Variants in ZPBP observed in about 807,000 individuals in gnomAD.
ZPBP encodes the protein zona pellucida binding protein.
In ZPBP, 26 loss-of-function variants were observed where a neutral mutation model predicts 44.8. That is an observed-to-expected ratio of 0.58 (90% CI 0.43 to 0.81). The LOEUF is 0.81. Ranked by LOEUF, ZPBP falls within the 30% of genes least tolerant of loss-of-function variation. The pLI is 0.00. For synonymous variants in ZPBP, 174 were observed against 153.2 expected (o/e 1.14, Z -1.00); for missense variants, 409 against 434.0 (o/e 0.94, Z 0.51).
intron 2 of ZPBP, among the ~76,000 whole-genome samples, chr7:49,853,922 T>C (rs1790306938): frequency 7.0e-6 from 1 of 142,036 alleles, no homozygotes; most frequent in African/African-American, 2.6e-5. Flanking sequence ...TGTCCAAATG[T>C]TTTCATTGTT....
chr7:50,029,315 C>T (rs1198580395), intron 5 of ZPBP, among the ~76,000 whole-genome samples: 1 of 152,090 alleles, frequency 6.6e-6, no homozygotes, highest in East Asian at 1.9e-4. Flanking sequence ...GAACCCATAC[C>T]TCATACTATA....
intron 2 of ZPBP, among the ~76,000 whole-genome samples, chr7:49,877,293 G>C (rs191719139): frequency 4.7e-5 from 7 of 150,276 alleles, no homozygotes; most frequent in South Asian, 4.2e-4. Flanking sequence ...GGAGCCCCGT[G>C]TCTACTAAAA....
At chr7:49,876,066 C>T (rs544749257) in intron 2 of ZPBP, among the ~76,000 whole-genome samples, 5 of 152,088 alleles carry the variant, frequency 3.3e-5, no homozygotes, top group Non-Finnish European at 7.4e-5. Flanking sequence ...CAAAATTGTT[C>T]AGAGTTTGTG....
chr7:49,894,178 A>T (rs1792266395), intron 2 of ZPBP, among the ~76,000 whole-genome samples: 1 of 114,854 alleles, frequency 8.7e-6, no homozygotes, highest in African/African-American at 3.4e-5. Flanking sequence ...CTTTCTTTTG[A>T]CAGGTTCTCA....
chr7:49,868,957 T>C (rs1791022777), intron 2 of ZPBP, among the ~76,000 whole-genome samples: 1 of 152,234 alleles, frequency 6.6e-6, no homozygotes, highest in Non-Finnish European at 1.5e-5. Flanking sequence ...AAAGAAGTTT[T>C]CTTGTGTCAA....
At chr7:49,980,965 T>C (rs558750092) in intron 7 of ZPBP, among the ~76,000 whole-genome samples, 70 of 151,820 alleles carry the variant, frequency 4.6e-4, no homozygotes, top group African/African-American at 1.6e-3. Context: ...CTTTGTTTTC[T>C]TTGATTTGGC....
intron 5 of ZPBP, among the ~76,000 whole-genome samples, chr7:50,023,057 C>A (rs1168320690): frequency 6.6e-6 from 1 of 151,980 alleles, no homozygotes; most frequent in Non-Finnish European, 1.5e-5. Flanking sequence ...TAAACCAAAC[C>A]AAAGTACAAC....
intron 6 of ZPBP, among the ~76,000 whole-genome samples, chr7:49,999,350 A>G (rs1797997329): frequency 6.6e-6 from 1 of 151,862 alleles, no homozygotes; most frequent in Non-Finnish European, 1.5e-5. Context: ...GTGAGGAGAA[A>G]GATAGTCTAT....
intron 6 of ZPBP, among the ~76,000 whole-genome samples, chr7:50,005,668 T>A (rs1798273613): frequency 6.6e-6 from 1 of 151,790 alleles, no homozygotes; most frequent in African/African-American, 2.4e-5. Context: ...AGCATGGCAC[T>A]ATGGGAGATC....
intron 6 of ZPBP, among the ~76,000 whole-genome samples, chr7:49,996,223 C>G (rs1187966449): frequency 6.6e-6 from 1 of 152,174 alleles, no homozygotes; most frequent in Non-Finnish European, 1.5e-5. Context: ...TAATAGCCCT[C>G]ACTCCACGGG....
chr7:49,845,482 TA>T (rs1279538469), downstream of ZPBP, among the ~76,000 whole-genome samples: 1 of 152,078 alleles, frequency 6.6e-6, no homozygotes, highest in Non-Finnish European at 1.5e-5. Flanking sequence ...AGTTCAACTG[TA>T]AAAAACACTG....
chr7:49,859,873 C>T (rs1389620438), intron 2 of ZPBP, among the ~76,000 whole-genome samples: 1 of 152,104 alleles, frequency 6.6e-6, no homozygotes, highest in Non-Finnish European at 1.5e-5. Context: ...TTTAGATCAA[C>T]ACAGGGAAAA....
chr7:49,982,327 T>C (rs376229174), intron 7 of ZPBP, among the ~76,000 whole-genome samples: 2 of 64,398 alleles, frequency 3.1e-5, no homozygotes, highest in Non-Finnish European at 3.1e-5. Context: ...TATATAATTA[T>C]ATAATATATA....
chr7:49,945,558 T>C (rs1795070332), intron 7 of ZPBP, among the ~76,000 whole-genome samples: 1 of 152,176 alleles, frequency 6.6e-6, no homozygotes, highest in Non-Finnish European at 1.5e-5. Context: ...TTAAGAATTA[T>C]TATATCCTCT....
chr7:49,938,434 C>T (rs1794705445), intron 7 of ZPBP, among the ~76,000 whole-genome samples: 1 of 152,210 alleles, frequency 6.6e-6, no homozygotes, highest in African/African-American at 2.4e-5. Flanking sequence ...GATACCATCT[C>T]TGTCACAGAT....
At chr7:50,004,767 A>C (rs1798232601) in intron 6 of ZPBP, among the ~76,000 whole-genome samples, 3 of 152,068 alleles carry the variant, frequency 2.0e-5, no homozygotes, top group Non-Finnish European at 4.4e-5. Flanking sequence ...AAAAGATTAA[A>C]ATATGAAGAA....
intron 2 of ZPBP, among the ~76,000 whole-genome samples, chr7:50,084,103 C>G (rs1802506892): frequency 6.6e-6 from 1 of 151,672 alleles, no homozygotes; most frequent in African/African-American, 2.4e-5. Flanking sequence ...CCTTTGAAAA[C>G]AACAAAGAAA....
At chr7:49,930,567 A>T (rs753394373) in intron 1 of ZPBP, among the ~76,000 whole-genome samples, 1 of 152,224 alleles carries the variant, frequency 6.6e-6, no homozygotes, top group African/African-American at 2.4e-5. Flanking sequence ...ATATCACATT[A>T]AATGAATGAC....
chr7:50,011,944 T>C (rs546169440), intron 6 of ZPBP, among the ~76,000 whole-genome samples: 4 of 151,198 alleles, frequency 2.6e-5, no homozygotes, highest in South Asian at 4.2e-4. Flanking sequence ...TGCAGGACAA[T>C]TGCTTGAACC....
Sources: allele counts gnomAD v4.1 joint callset (sites outside exome capture counted in the v4.1 genomes callset), GRCh38; gene constraint gnomAD v4.1.1; transcripts MANE v1.5; gene names NCBI Gene and HGNC (gene_info 2026-07-23, HGNC 2026-07-21).